The following VIT variants were observed in gnomAD, a reference collection of about 807,000 sequenced individuals.
VIT encodes the protein vitrin.
A neutral mutation model predicts 78.0 loss-of-function variants in VIT; 99 were observed. That is an observed-to-expected ratio of 1.27 (90% CI 1.08 to 1.50). The LOEUF (loss-of-function observed/expected upper bound fraction) is 1.50, where lower values mean the gene tolerates loss of function less well. Ranked by LOEUF, VIT falls within the 40% of genes most tolerant of loss-of-function variation. The probability of loss-of-function intolerance (pLI) is 0.00; values close to 1 mark genes in which losing one functional copy is unlikely to be tolerated. For missense variants in VIT, 1,126 were observed against 875.3 expected (o/e 1.29, Z -3.61); for synonymous variants, 374 against 334.3 (o/e 1.12, Z -1.29).
chr2:36,766,934 T>C (rs1409691118), intron 6 of VIT, among the ~76,000 whole-genome samples, 160 bp from the exon 7 acceptor site: 1 of 152,272 alleles, frequency 6.6e-6, no homozygotes, highest in Non-Finnish European at 1.5e-5. Flanking sequence ...ATACATTCTT[T>C]CAGGCAAGAA....
At chr2:36,801,634 C>A (rs559852329) in intron 13 of VIT, among the ~76,000 whole-genome samples, 1 of 152,038 alleles carries the variant, frequency 6.6e-6, no homozygotes, top group African/African-American at 2.4e-5. Flanking sequence ...ATGGTTAAAC[C>A]CTCTTTCTAC....
chr2:36,738,800 C>T (rs865837294), intron 3 of VIT, among the ~76,000 whole-genome samples: 7 of 152,282 alleles, frequency 4.6e-5, no homozygotes, highest in South Asian at 2.1e-4. Context: ...CAAGCCTAGA[C>T]GTTCCATGGA....
intron 15 of VIT, 65 bp downstream of exon 15, chr2:36,809,050 G>A (rs551232907): frequency 2.0e-6 from 3 of 1,512,152 alleles, no homozygotes; most frequent in South Asian, 2.7e-5. Context: ...GGGCCAGTGG[G>A]ACAAGGAAGG....
At position 36,716,427 on chromosome 2, in the gene VIT, G is replaced by C. The variant is rs971568064; in HGVS notation, c.52+5G>C. On this transcript the variant is annotated splice_donor_5th_base_variant and intron_variant, in intron 2 of 15. Transcript: ENST00000379242. ...CTGTTATTGAAATGTTCCTTGGTAA[G>C]TACTTTTATATGTGTATCTGGATAC... 6.2e-7 allele frequency: 1 copy of C among 1,613,478 alleles called. No homozygotes were observed. Among genetic ancestry groups the C allele is most frequent in the African/African-American group, 1.3e-5 (1 of 74,910 alleles).
intron 1 of VIT, among the ~76,000 whole-genome samples, chr2:36,711,907 T>C (rs1665824912): frequency 6.6e-6 from 1 of 152,234 alleles, no homozygotes; most frequent in South Asian, 2.1e-4. Flanking sequence ...AACTACATAT[T>C]TGGGATTCTT....
At chr2:36,735,307 A>C (rs1667447129) in intron 3 of VIT, among the ~76,000 whole-genome samples, 1 of 152,234 alleles carries the variant, frequency 6.6e-6, no homozygotes, top group Non-Finnish European at 1.5e-5. Context: ...TTCCAAGCTA[A>C]TATTTTGCTT....
intron 1 of VIT, among the ~76,000 whole-genome samples, chr2:36,712,236 G>A (rs1357926945): frequency 3.9e-5 from 6 of 152,188 alleles, no homozygotes; most frequent in Admixed American, 6.6e-5. Flanking sequence ...TTGCAGCGGT[G>A]AGAAAGAAAC....
intron 3 of VIT, among the ~76,000 whole-genome samples, chr2:36,741,105 A>G (rs1439981019): frequency 6.6e-6 from 1 of 152,236 alleles, no homozygotes; most frequent in Non-Finnish European, 1.5e-5. Context: ...GAGGAGATGC[A>G]TTTGGGAGTG....
rs1240374005 is a variant in VIT at position 36,743,134 on chromosome 2, A to G, written c.153A>G (p.Gly51=). 1 of 1,614,098 alleles carries G rather than the reference A, an allele frequency of 6.2e-7. No homozygotes were observed. Among genetic ancestry groups the G allele is most frequent in the East Asian group, 2.2e-5 (1 of 44,876 alleles). Residue 51 remains glycine, a synonymous_variant, in exon 4 of 16, where the codon GGA becomes GGG. Transcript: ENST00000379242. ...VPQINCDVKA[G]KIIDPEFIVK... is the part of the protein sequence containing the mutation. Reference sequence around the variant, plus strand: ...AGATCAACTGCGATGTCAAAGCCGGAAAGATCATCGATCCTGAGTTCATTG... The same window carrying G: ...AGATCAACTGCGATGTCAAAGCCGGGAAGATCATCGATCCTGAGTTCATTG...
chr2:36,713,047 T>G (rs1665902620), intron 1 of VIT, among the ~76,000 whole-genome samples: 2 of 151,890 alleles, frequency 1.3e-5, no homozygotes, highest in South Asian at 4.1e-4. Flanking sequence ...GGGAGCACCA[T>G]AAAAAAATAA....
At chr2:36,791,348 G>T (rs1454038154) in intron 12 of VIT, among the ~76,000 whole-genome samples, 1 of 152,188 alleles carries the variant, frequency 6.6e-6, no homozygotes, top group East Asian at 1.9e-4. Flanking sequence ...CCTAATGCAG[G>T]ACAGTCAGAG....
At chr2:36,698,578 C>T (rs1012587841) in intron 1 of VIT, among the ~76,000 whole-genome samples, 3 of 152,188 alleles carry the variant, frequency 2.0e-5, no homozygotes, top group African/African-American at 7.2e-5. Context: ...CACCCTCCCT[C>T]CCAGGGCGGC....
At chr2:36,790,254 T>C (rs990413747) in intron 12 of VIT, among the ~76,000 whole-genome samples, 1 of 152,082 alleles carries the variant, frequency 6.6e-6, no homozygotes, top group Non-Finnish European at 1.5e-5. Flanking sequence ...GAAAGGAAAG[T>C]GTTCACAGGA....
At position 36,781,729 on chromosome 2, in the gene VIT, G is replaced by A; in HGVS notation, c.805G>A (p.Glu269Lys). 6.2e-7 allele frequency: 1 copy of A among 1,614,174 alleles called. No homozygotes were observed. Among genetic ancestry groups the A allele is most frequent in the Non-Finnish European group, 8.5e-7 (1 of 1,180,030 alleles). ...KPVGADVSLG[E>K]MDSWKPGSVL... is the part of the protein sequence containing the mutation. Reference sequence around the variant, plus strand: ...TTCTTTTCAATTTTGAAAATCAGGAGAGATGGACTCATGGAAACCTGGATC... The same window carrying A: ...TTCTTTTCAATTTTGAAAATCAGGAAAGATGGACTCATGGAAACCTGGATC... Residue 269 changes from glutamate to lysine, a missense_variant and splice_region_variant, in exon 10 of 16, where the codon GAG (glutamate) becomes AAG (lysine). Transcript: ENST00000379242.
intron 9 of VIT, among the ~76,000 whole-genome samples, chr2:36,775,817 G>T (rs1443343055): frequency 1.3e-5 from 2 of 152,028 alleles, no homozygotes; most frequent in African/African-American, 2.4e-5. Flanking sequence ...CACTCTAGGT[G>T]CTCAGACCTA....
intron 12 of VIT, among the ~76,000 whole-genome samples, chr2:36,800,875 C>G (rs899565045): frequency 1.3e-5 from 2 of 152,116 alleles, no homozygotes; most frequent in African/African-American, 4.8e-5. Flanking sequence ...TAAGGGTAAC[C>G]CAGAGAGTGG....
chr2:36,711,963 C>G (rs1665828807), intron 1 of VIT, among the ~76,000 whole-genome samples: 1 of 152,122 alleles, frequency 6.6e-6, no homozygotes, highest in Admixed American at 6.5e-5. Flanking sequence ...GAATCAGTAA[C>G]ACATTCTTTT....
intron 2 of VIT, among the ~76,000 whole-genome samples, chr2:36,717,283 A>G (rs1054255838): frequency 7.3e-6 from 1 of 137,112 alleles, no homozygotes; most frequent in African/African-American, 2.8e-5. Flanking sequence ...GGTTCACCCC[A>G]TTCTCCTGCC....
rs942469985 is a variant in VIT, at chr2:36,767,200, C to A, written c.594C>A (p.Thr198=). 6.2e-7 allele frequency: 1 copy of A among 1,609,824 alleles called. No individual in the cohort carries two copies. The highest frequency in any genetic ancestry group is 8.5e-7 in the Non-Finnish European group (1 of 1,178,358). Residue 198 remains threonine, a synonymous_variant, in exon 7 of 16, where the codon ACC becomes ACA. Coordinates refer to ENST00000379242, the MANE Select transcript of VIT (RefSeq NM_053276.4). ...TCACTGTAGCTGTGGCCACCCCCAC[C>A]ACCTTGCCAAGGCCATCCCCTTCTG... The part of the protein sequence containing the change: ...LAVTVAVATP[T]TLPRPSPSAA...
Sources: gnomAD v4.1 joint callset for allele counts (sites outside exome capture counted in the v4.1 genomes callset) on GRCh38, gnomAD v4.1.1 for gene constraint, MANE v1.5 for transcripts, NCBI Gene and HGNC (gene_info 2026-07-23, HGNC 2026-07-21) for gene names.